Variants in ITGA8 observed in about 807,000 individuals in gnomAD.
ITGA8 encodes integrin subunit alpha 8, also known as integrin alpha-8.
ITGA8 carries 91 observed loss-of-function variants against 142.3 expected under a neutral mutation model. That is an observed-to-expected ratio of 0.64 (90% confidence interval 0.54 to 0.76). ITGA8 has a LOEUF of 0.76. Ranked by LOEUF, ITGA8 falls within the 30% of genes least tolerant of loss-of-function variation. The probability of loss-of-function intolerance (pLI) is 0.00; values close to 1 mark genes in which losing one functional copy is unlikely to be tolerated. For synonymous variants in ITGA8, 505 were observed against 485.2 expected (o/e 1.04, Z -0.54); for missense variants, 1,406 against 1,327.7 (o/e 1.06, Z -0.92).
Position 15,697,046 on chromosome 10 carries a change from A to AAC in ITGA8, c.344-9010_344-9009dup, listed in dbSNP as rs1491456295. Among the ~76,000 whole-genome samples the AAC allele has an allele frequency of 6.6e-4, 98 of 147,524 alleles. 1 individual carries two copies. In the Middle Eastern group the frequency reaches 0.01, roughly 16 times the overall value. ...AGAGTAAGTACTCTCTTGTCTCTAA[A>AAC]ACACACACACACACACACACAAGAA... On this transcript the variant is annotated intron_variant, in intron 2 of 29. Coordinates refer to ENST00000378076, the MANE Select transcript of ITGA8 (RefSeq NM_003638.3).
intron 13 of ITGA8, among the ~76,000 whole-genome samples, chr10:15,628,331 T>G (rs1288647711): frequency 8.0e-6 from 1 of 124,910 alleles, no homozygotes; most frequent in Non-Finnish European, 1.7e-5. Flanking sequence ...TTGGTTTTTT[T>G]TTTTTTTTTT....
intron 6 of ITGA8, among the ~76,000 whole-genome samples, chr10:15,676,049 T>A (rs1187560148): frequency 6.6e-6 from 1 of 152,176 alleles, no homozygotes; most frequent in Non-Finnish European, 1.5e-5. Context: ...TAATTTCACA[T>A]CATCCATTCT....
chr10:15,540,409 G>C (rs1171928831), intron 27 of ITGA8, among the ~76,000 whole-genome samples: 4 of 152,042 alleles, frequency 2.6e-5, no homozygotes, highest in African/African-American at 9.7e-5. Context: ...TCTGTGCCTG[G>C]CTTATTTCAC....
chr10:15,565,127 C>G (rs1834054966), intron 25 of ITGA8, among the ~76,000 whole-genome samples: 1 of 152,164 alleles, frequency 6.6e-6, no homozygotes, highest in Non-Finnish European at 1.5e-5. Context: ...CTGTGTAATT[C>G]TTTTTGATGG....
At chr10:15,683,143 T>A (rs1056724264) in intron 4 of ITGA8, among the ~76,000 whole-genome samples, 2 of 152,184 alleles carry the variant, frequency 1.3e-5, no homozygotes, top group Non-Finnish European at 2.9e-5. Flanking sequence ...TTCCCTCCAA[T>A]ATGGTCTTGT....
At chr10:15,679,106 T>C (rs538682355) in intron 4 of ITGA8, among the ~76,000 whole-genome samples, 2 of 152,238 alleles carry the variant, frequency 1.3e-5, no homozygotes, top group East Asian at 1.9e-4. Context: ...AAATTTCCCA[T>C]GAGGCAATAA....
Position 15,593,977 on chromosome 10 carries a change from G to A in ITGA8, c.2212-1673C>T, listed in dbSNP as rs567354775. ...CTGCCTCAGCCTCCTGAGTAGCTGG[G>A]ATTACGGGTGTGTGCCACCACACCC... is the stretch of plus-strand genomic sequence containing the variant. On this transcript the variant is annotated intron_variant, in intron 21 of 29. Transcript: ENST00000378076. Among the ~76,000 whole-genome samples the A allele has an allele frequency of 5.3e-5, 8 of 151,980 alleles. No homozygotes were observed. The East Asian group carries it at 1.6e-3, about 29-fold the overall frequency.
chr10:15,644,474 ATATATATATATATATATAGAAT>A lies in ITGA8; in HGVS notation c.1208-275_1208-254del, dbSNP rs1295492523. Among the ~76,000 whole-genome samples the A allele has an allele frequency of 4.4e-3, 66 of 15,132 alleles. 5 individuals carry two copies. Among genetic ancestry groups the A allele is most frequent in the East Asian group, 0.033 (8 of 240 alleles). The allele number at this position is 15,132 out of a possible 152,430, so 9.9% of individuals were successfully genotyped here. A position where few individuals can be genotyped will look rare whatever the true frequency, so the allele number is the denominator to read the frequency against. On this transcript the variant is annotated intron_variant, in intron 12 of 29. Transcript: ENST00000378076. ...TATATATATATATATATATATATAT[ATATATATATATATATATAGAAT>A]TTTTTTTTTTTTTTGAGCAATGGGT...
intron 10 of ITGA8, 57 bp downstream of exon 10, chr10:15,658,942 T>C: frequency 9.0e-7 from 1 of 1,114,044 alleles, no homozygotes. Flanking sequence ...ATATGAATAT[T>C]ATAGTCTACT....
chr10:15,637,247 AT>A (rs1401082297), intron 13 of ITGA8, among the ~76,000 whole-genome samples: 1 of 152,202 alleles, frequency 6.6e-6, no homozygotes, highest in Non-Finnish European at 1.5e-5. Context: ...AGTAGCTCAT[AT>A]TCTGTTCATG....
intron 2 of ITGA8, among the ~76,000 whole-genome samples, chr10:15,704,370 A>G (rs1835219811): frequency 1.3e-5 from 2 of 152,190 alleles, no homozygotes; most frequent in African/African-American, 2.4e-5. Flanking sequence ...TAGTAGGGAT[A>G]GGGTCTTGCT....
At chr10:15,544,686 G>A (rs893134393) in intron 27 of ITGA8, among the ~76,000 whole-genome samples, 1 of 152,142 alleles carries the variant, frequency 6.6e-6, no homozygotes, top group Non-Finnish European at 1.5e-5. Context: ...TGGCCACCAG[G>A]GATTCTTCCC....
chr10:15,671,621 T>C lies in ITGA8; in HGVS notation c.829A>G (p.Thr277Ala), dbSNP rs767285224. The change falls in exon 8 of 30, where the codon ACT (threonine) becomes GCT (alanine). Residue 277 changes from threonine (T) to alanine (A), a missense_variant. Coordinates refer to ENST00000378076, the MANE Select transcript of ITGA8 (RefSeq NM_003638.3). The part of the protein sequence containing the change: ...LGYSVAAGEF[T>A]GDSQQELVAG... ...CTCTCACCTTGCTGAGAATCCCCAG[T>C]AAACTCCCCAGCAGCAACTGAGTAT... is the stretch of plus-strand genomic sequence containing the variant. 4.4e-5 allele frequency: 71 copies of C among 1,612,730 alleles called. No individual in the cohort carries two copies. Among genetic ancestry groups the C allele is most frequent in the Non-Finnish European group, 5.9e-5 (69 of 1,179,058 alleles).
In ITGA8 at chr10:15,600,479, C is replaced by T. The variant is rs571180011; in HGVS notation, c.2119-3180G>A. Among the ~76,000 whole-genome samples the T allele has an allele frequency of 9.5e-4, 144 of 152,232 alleles. 1 individual carries two copies. The highest frequency in any genetic ancestry group is 6.6e-3 in the South Asian group (32 of 4,824). On this transcript the variant is annotated intron_variant, in intron 20 of 29. Coordinates refer to ENST00000378076, the MANE Select transcript of ITGA8 (RefSeq NM_003638.3). ...GTTAGTGTGTTGGGAGGAGAAACGG[C>T]TGGAACAAGCTCTCCGTGTCATTAC... is the stretch of plus-strand genomic sequence containing the variant.
intron 14 of ITGA8, among the ~76,000 whole-genome samples, chr10:15,615,924 C>T (rs977768423): frequency 2.0e-5 from 3 of 152,118 alleles, no homozygotes; most frequent in East Asian, 1.9e-4. Flanking sequence ...ACAAAGGTAA[C>T]GTTATAAATG....
intron 28 of ITGA8, among the ~76,000 whole-genome samples, chr10:15,530,518 C>A (rs111661965): frequency 8.9e-6 from 1 of 112,746 alleles, no homozygotes; most frequent in African/African-American, 3.5e-5. Flanking sequence ...TGCACTCCAA[C>A]CTGGGCGACA....
At chr10:15,652,267 G>A (rs145157872) in intron 11 of ITGA8, among the ~76,000 whole-genome samples, 16 of 152,284 alleles carry the variant, frequency 1.1e-4, no homozygotes, top group African/African-American at 3.1e-4. Flanking sequence ...CAAGAAGGAC[G>A]GTGCCCTGCA....
intron 25 of ITGA8, among the ~76,000 whole-genome samples, chr10:15,566,955 C>G (rs1380697809): frequency 6.8e-6 from 1 of 147,082 alleles, no homozygotes; most frequent in Non-Finnish European, 1.5e-5. Context: ...GTCAAGGGTT[C>G]GAGACCAGCC....
intron 6 of ITGA8, among the ~76,000 whole-genome samples, 171 bp downstream of exon 6, chr10:15,677,421 A>G (rs1017835500): frequency 1.3e-5 from 2 of 152,222 alleles, no homozygotes; most frequent in Non-Finnish European, 2.9e-5. Flanking sequence ...TTGTTTTGTC[A>G]ATTAAAATAA....
Sources: gnomAD v4.1 joint callset for allele counts (sites outside exome capture counted in the v4.1 genomes callset) on GRCh38, gnomAD v4.1.1 for gene constraint, MANE v1.5 for transcripts, NCBI Gene and HGNC (gene_info 2026-07-23, HGNC 2026-07-21) for gene names.